The following JAZF1 variants were observed in gnomAD, a reference collection of about 807,000 sequenced individuals.
The protein encoded by JAZF1 is juxtaposed with another zinc finger protein 1.
A neutral mutation model predicts 26.4 loss-of-function variants in JAZF1; 8 were observed. That is an observed-to-expected ratio of 0.30 (90% CI 0.18 to 0.55). The LOEUF (loss-of-function observed/expected upper bound fraction) is 0.55. JAZF1 is among the 20% of genes least tolerant of loss of function. JAZF1 has a pLI of 0.94. For missense variants in JAZF1, 199 were observed against 322.0 expected (o/e 0.62, Z 2.92); for synonymous variants, 126 against 122.3 (o/e 1.03, Z -0.20).
chr7:27,883,393 G>A (rs1362826643), intron 3 of JAZF1, among the ~76,000 whole-genome samples: 1 of 152,168 alleles, frequency 6.6e-6, no homozygotes, highest in Non-Finnish European at 1.5e-5. Flanking sequence ...TATTGAGTTT[G>A]ATTAAACAAC....
intron 2 of JAZF1, among the ~76,000 whole-genome samples, chr7:27,991,091 G>C (rs1785893337): frequency 6.6e-6 from 1 of 152,180 alleles, no homozygotes. Context: ...TTCATTCCCA[G>C]CTTTCCACTT....
At chr7:28,161,948 G>A (rs914214743) in intron 1 of JAZF1, among the ~76,000 whole-genome samples, 4 of 152,028 alleles carry the variant, frequency 2.6e-5, no homozygotes, top group South Asian at 4.2e-4. Flanking sequence ...CAGCCTTTCC[G>A]AGAGGGTCAA....
At chr7:28,074,231 G>T (rs186937500) in intron 1 of JAZF1, among the ~76,000 whole-genome samples, 21 of 152,334 alleles carry the variant, frequency 1.4e-4, no homozygotes, top group Admixed American at 1.2e-3. Context: ...GAAGGGCCAT[G>T]AAATGTTTGT....
At chr7:27,871,178 T>A (rs1029971309) in intron 3 of JAZF1, among the ~76,000 whole-genome samples, 5 of 152,202 alleles carry the variant, frequency 3.3e-5, no homozygotes, top group Non-Finnish European at 7.3e-5. Context: ...CTCAACTGGT[T>A]TGGAGTTTGA....
At chr7:27,894,687 A>C (rs1397588921) in intron 3 of JAZF1, among the ~76,000 whole-genome samples, 3 of 152,206 alleles carry the variant, frequency 2.0e-5, no homozygotes, top group African/African-American at 7.2e-5. Flanking sequence ...CAAATGAAAA[A>C]GCTAAATTGA....
intron 1 of JAZF1, among the ~76,000 whole-genome samples, chr7:28,147,923 A>G (rs935875194): frequency 6.6e-6 from 1 of 152,066 alleles, no homozygotes; most frequent in Non-Finnish European, 1.5e-5. Flanking sequence ...AAAAAGGAAA[A>G]GAAAAGAAAA....
At position 27,947,442 on chromosome 7, in the gene JAZF1, A is replaced by T. The variant is rs114402229; in HGVS notation, c.188+44467T>A. Among the ~76,000 whole-genome samples the T allele has an allele frequency of 4.6e-3, 703 of 152,360 alleles. 11 individuals carry two copies. The highest frequency in any genetic ancestry group is 0.016 in the African/African-American group (681 of 41,586). On this transcript the variant is annotated intron_variant, in intron 2 of 4. Transcript: ENST00000283928. Reference sequence around the variant, plus strand: ...ATCCATAAAGAACAATATAATAGGTACTAAGAATCTAGCACTCACAGTTGT... The same window carrying T: ...ATCCATAAAGAACAATATAATAGGTTCTAAGAATCTAGCACTCACAGTTGT...
At chr7:27,893,362 G>A (rs1002288327) in intron 3 of JAZF1, among the ~76,000 whole-genome samples, 1 of 152,220 alleles carries the variant, frequency 6.6e-6, no homozygotes, top group Admixed American at 6.5e-5. Context: ...AGATGATGGT[G>A]TGGTTACAAG....
At chr7:27,845,568 G>A (rs1363336153) in intron 3 of JAZF1, among the ~76,000 whole-genome samples, 2 of 151,704 alleles carry the variant, frequency 1.3e-5, no homozygotes, top group Admixed American at 6.6e-5. Context: ...GTGGAGGCAC[G>A]AGCCTGTAAT....
chr7:27,913,446 TC>T, intron 2 of JAZF1: 1 of 421,904 alleles, frequency 2.4e-6, no homozygotes. Flanking sequence ...CTGTCTCATC[TC>T]CGCTGTCTGT....
intron 3 of JAZF1, among the ~76,000 whole-genome samples, chr7:27,864,698 A>T (rs928120857): frequency 5.3e-5 from 8 of 152,092 alleles, no homozygotes; most frequent in Non-Finnish European, 1.0e-4. Flanking sequence ...TCATTTCTTA[A>T]AAAAAAATCC....
chr7:28,031,705 G>A (rs1783196173), intron 1 of JAZF1, among the ~76,000 whole-genome samples: 1 of 152,006 alleles, frequency 6.6e-6, no homozygotes. Context: ...ACAGAGAGGG[G>A]AACAACACAC....
intron 3 of JAZF1, among the ~76,000 whole-genome samples, chr7:27,848,453 G>A (rs1350984713): frequency 6.6e-6 from 1 of 152,168 alleles, no homozygotes; most frequent in Non-Finnish European, 1.5e-5. Context: ...AAAATCAGTT[G>A]GATTAGATTT....
chr7:28,152,877 T>C (rs1783131136), intron 1 of JAZF1, among the ~76,000 whole-genome samples: 1 of 152,172 alleles, frequency 6.6e-6, no homozygotes, highest in South Asian at 2.1e-4. Context: ...GATAACCCAA[T>C]ACAGATACAC....
intron 2 of JAZF1, among the ~76,000 whole-genome samples, chr7:27,985,323 A>G (rs1196622013): frequency 6.6e-6 from 1 of 152,206 alleles, no homozygotes; most frequent in Non-Finnish European, 1.5e-5. Flanking sequence ...TACTATAAAC[A>G]CCTCTATGCA....
intron 1 of JAZF1, among the ~76,000 whole-genome samples, chr7:28,005,989 G>A (rs1472357006): frequency 6.6e-6 from 1 of 151,970 alleles, no homozygotes; most frequent in East Asian, 1.9e-4. Flanking sequence ...AGCAGATAAA[G>A]ATGACAGTGA....
At chr7:27,924,492 TATA>T (rs1784581119) in intron 2 of JAZF1, among the ~76,000 whole-genome samples, 1 of 152,242 alleles carries the variant, frequency 6.6e-6, no homozygotes, top group Non-Finnish European at 1.5e-5. Flanking sequence ...TTTTGTTCAC[TATA>T]ATAAGAGCAT....
chr7:28,151,845 A>G (rs1783116509), intron 1 of JAZF1, among the ~76,000 whole-genome samples: 1 of 152,212 alleles, frequency 6.6e-6, no homozygotes. Flanking sequence ...TTGAGTCAAA[A>G]CTAATGTTTT....
intron 2 of JAZF1, among the ~76,000 whole-genome samples, chr7:27,907,673 A>T (rs1784286463): frequency 6.6e-6 from 1 of 152,308 alleles, no homozygotes; most frequent in South Asian, 2.1e-4. Flanking sequence ...GTGTCCAGTT[A>T]ATTAAACACT....
Sources: gnomAD v4.1 joint callset for allele counts (sites outside exome capture counted in the v4.1 genomes callset) on GRCh38, gnomAD v4.1.1 for gene constraint, MANE v1.5 for transcripts, NCBI Gene and HGNC (gene_info 2026-07-23, HGNC 2026-07-21) for gene names.